Variants in SLK observed in about 807,000 individuals in gnomAD.
SLK encodes the protein STE20-like serine/threonine-protein kinase.
A neutral mutation model predicts 147.7 loss-of-function variants in SLK; 67 were observed. That is an observed-to-expected ratio of 0.45 (90% CI 0.37 to 0.56). The LOEUF (loss-of-function observed/expected upper bound fraction) is 0.56, where lower values mean the gene tolerates loss of function less well. SLK is among the 20% of genes least tolerant of loss of function. The pLI is 0.00. For missense variants in SLK, 1,136 were observed against 1,438.8 expected, an observed-to-expected ratio of 0.79 and a Z score of 3.41; for synonymous variants, 441 against 475.0, an observed-to-expected ratio of 0.93 and a Z score of 0.93.
At chr10:103,981,189 TTTGTTGTTG>T (rs139103127) in intron 1 of SLK, among the ~76,000 whole-genome samples, 6 of 126,546 alleles carry the variant, frequency 4.7e-5, no homozygotes, top group African/African-American at 1.9e-4. Context: ...GTGGGTTTTT[TTTGTTGTTG>T]TTGTTGTTGT....
Position 103,967,399 on chromosome 10 carries a change from C to T in SLK, c.-347C>T, listed in dbSNP as rs1843727370. 6.6e-6 allele frequency: 1 copy of T among 150,986 alleles called. No individual in the cohort carries two copies. Among genetic ancestry groups the T allele is most frequent in the African/African-American group, 2.4e-5 (1 of 41,426 alleles). 9.4% of individuals were successfully genotyped at this position (150,986 alleles called of 1,614,324 possible). On this transcript the variant is annotated 5_prime_UTR_variant, in exon 1 of 19. Transcript: ENST00000369755. ...GACTCGCCGTGACACGGGCCTAAGC[C>T]GCCGCCGCGGGAGTCCTGACCGCTC...
At chr10:103,969,600 C>T (rs1236337772) in intron 1 of SLK, among the ~76,000 whole-genome samples, 1 of 152,138 alleles carries the variant, frequency 6.6e-6, no homozygotes, top group African/African-American at 2.4e-5. Flanking sequence ...CTATCATAGG[C>T]TGTGGAAGTT....
chr10:104,004,966 T>C (rs1844304669), intron 9 of SLK, among the ~76,000 whole-genome samples: 1 of 152,134 alleles, frequency 6.6e-6, no homozygotes, highest in Admixed American at 6.5e-5. Flanking sequence ...ATCATACATA[T>C]ATCTCTGGCC....
chr10:103,972,141 G>A (rs1843800809), intron 1 of SLK, among the ~76,000 whole-genome samples: 1 of 152,104 alleles, frequency 6.6e-6, no homozygotes, highest in South Asian at 2.1e-4. Context: ...TTTCGTTGTA[G>A]CATTGTATTC....
rs1422949992 is a variant in SLK, at chr10:104,001,935, C to T, written c.994-237C>T. 2.6e-5 allele frequency among the ~76,000 whole-genome samples: 4 copies of T among 152,108 alleles called. No homozygotes were observed. The East Asian group carries it at 5.8e-4, about 22-fold the overall frequency. On this transcript the variant is annotated intron_variant, in intron 8 of 18. Transcript: ENST00000369755. ...TTCACCATGTTGGCCAGGCTAGTCT[C>T]GAACTCCTGACCTCAAGTGATCTTC...
In SLK at chr10:103,972,135, G is replaced by A. The variant is rs143512908; in HGVS notation, c.150+4240G>A. ...TCACATAGAGCTGTAGTTCTTTTTC[G>A]TTGTAGCATTGTATTCTATTATATG... On this transcript the variant is annotated intron_variant, in intron 1 of 18. Coordinates refer to ENST00000369755, the MANE Select transcript of SLK (RefSeq NM_014720.4). Among the ~76,000 whole-genome samples the A allele has an allele frequency of 2.6e-4, 40 of 152,084 alleles. 1 individual carries two copies. The East Asian group carries it at 7.5e-3, about 29-fold the overall frequency.
intron 1 of SLK, among the ~76,000 whole-genome samples, chr10:103,970,600 TG>T (rs1843780340): frequency 6.6e-6 from 1 of 152,310 alleles, no homozygotes; most frequent in Non-Finnish European, 1.5e-5. Flanking sequence ...TGTCTTCTTA[TG>T]GCCTCTTTTT....
At chr10:103,985,097 A>T (rs150826224) in intron 1 of SLK, among the ~76,000 whole-genome samples, 1 of 152,200 alleles carries the variant, frequency 6.6e-6, no homozygotes. Flanking sequence ...TTATGATAGT[A>T]TATTGTTACA....
intron 18 of SLK, among the ~76,000 whole-genome samples, chr10:104,023,482 A>G (rs952367380): frequency 6.6e-6 from 1 of 152,134 alleles, no homozygotes; most frequent in African/African-American, 2.4e-5. Flanking sequence ...GAGTGATACT[A>G]CCTATTTGGT....
At position 104,018,236 on chromosome 10, in the gene SLK, A is replaced by G. The variant is rs1415815128; in HGVS notation, c.2954A>G (p.Glu985Gly). ...AAGATCATCCAGCAGCAGAAGGCAGAGTTAGCTAATATTGAGAGAGAGTGC... is the reference window on the plus strand; with the variant it reads ...AAGATCATCCAGCAGCAGAAGGCAGGGTTAGCTAATATTGAGAGAGAGTGC... ...LKKIIQQQKA[E>G]LANIERECLN... Residue 985 changes from glutamate (E) to glycine (G), a missense_variant, in exon 14 of 19, where the codon GAG becomes GGG. Glu to Gly is a moderately conservative substitution (Grantham distance 98). Coordinates refer to ENST00000369755, the MANE Select transcript of SLK (RefSeq NM_014720.4). 6.2e-7 allele frequency: 1 copy of G among 1,601,700 alleles called. No individual in the cohort carries two copies. Among genetic ancestry groups the G allele is most frequent in the African/African-American group, 1.4e-5 (1 of 73,894 alleles).
chr10:104,027,438 T>C lies in SLK; in HGVS notation c.*1718T>C, dbSNP rs538130305. ...CACTTATCACATGAATGTGTTACTG[T>C]ATACAAAACTCTTAATGCTTTATTC... is the stretch of plus-strand genomic sequence containing the variant. On this transcript the variant is annotated 3_prime_UTR_variant, in exon 19 of 19. Coordinates refer to ENST00000369755, the MANE Select transcript of SLK (RefSeq NM_014720.4). The C allele has an allele frequency of 6.5e-6, 1 of 152,690 alleles. No individual in the cohort carries two copies. Among genetic ancestry groups the C allele is most frequent in the African/African-American group, 2.4e-5 (1 of 41,546 alleles). 9.5% of individuals were successfully genotyped at this position (152,690 alleles called of 1,614,324 possible). A position where few individuals can be genotyped will look rare whatever the true frequency, so the allele number is the denominator to read the frequency against.
chr10:103,980,077 A>G (rs1050533061), intron 1 of SLK, among the ~76,000 whole-genome samples: 1 of 152,162 alleles, frequency 6.6e-6, no homozygotes, highest in Non-Finnish European at 1.5e-5. Context: ...GTAGATACCC[A>G]GTTGTCCCAG....
intron 9 of SLK, among the ~76,000 whole-genome samples, chr10:104,004,541 A>G (rs925179094): frequency 2.0e-5 from 3 of 152,168 alleles, no homozygotes; most frequent in Admixed American, 6.5e-5. Context: ...AATCCTGGGT[A>G]GGGTACCATA....
chr10:104,019,514 C>T (rs546588880), intron 15 of SLK, among the ~76,000 whole-genome samples: 1 of 152,276 alleles, frequency 6.6e-6, no homozygotes, highest in East Asian at 1.9e-4. Context: ...TCAAGTGATC[C>T]TCCTATGTCA....
intron 17 of SLK, 36 bp from the exon 18 acceptor site, chr10:104,021,584 A>G (rs370741481): frequency 9.0e-5 from 106 of 1,179,248 alleles, no homozygotes; most frequent in Non-Finnish European, 1.3e-4. Flanking sequence ...TGCTTAGTTG[A>G]TCTGAAATTT....
At chr10:103,996,335 G>GTT (rs780860379) in intron 4 of SLK, among the ~76,000 whole-genome samples, 3 of 121,984 alleles carry the variant, frequency 2.5e-5, no homozygotes, top group East Asian at 2.5e-4. Context: ...GATGCTAAAA[G>GTT]TTTTTTTTTT....
rs1172083580 is a variant in SLK, at chr10:104,018,192, A to G, written c.2910A>G (p.Glu970=). 1 of 1,607,432 alleles carries G rather than the reference A, an allele frequency of 6.2e-7. No individual in the cohort carries two copies. The change falls in exon 14 of 19, where the codon GAA becomes GAG. Residue 970 remains glutamate (E), a synonymous_variant. Transcript: ENST00000369755. Reference sequence around the variant, plus strand: ...AGTTTGTTCAGAAACAACAGCAAGAATTAGATGGCTCTCTGAAAAAGATCA... The same window carrying G: ...AGTTTGTTCAGAAACAACAGCAAGAGTTAGATGGCTCTCTGAAAAAGATCA... ...EQEFVQKQQQ[E]LDGSLKKIIQ... is the part of the protein sequence containing the mutation.
chr10:104,026,162 C>T lies in SLK; in HGVS notation c.*442C>T, dbSNP rs979185419. Reference sequence around the variant, plus strand: ...GGATAATTTTCTTTTGGTGGATCAGCTCTCATAAAAAAGCTATGATTTGCT... The same window carrying T: ...GGATAATTTTCTTTTGGTGGATCAGTTCTCATAAAAAAGCTATGATTTGCT... On this transcript the variant is annotated 3_prime_UTR_variant, in exon 19 of 19. Coordinates refer to ENST00000369755, the MANE Select transcript of SLK (RefSeq NM_014720.4). The T allele has an allele frequency of 6.5e-6, 1 of 153,174 alleles. No homozygotes were observed. The highest frequency in any genetic ancestry group is 6.5e-5 in the Admixed American group (1 of 15,286). The allele number at this position is 153,174 out of a possible 1,614,324, so 9.5% of individuals were successfully genotyped here.
intron 14 of SLK, 77 bp from the exon 15 acceptor site, chr10:104,018,707 G>A (rs1844496164): frequency 1.4e-6 from 2 of 1,433,798 alleles, no homozygotes; most frequent in Non-Finnish European, 1.9e-6. Context: ...ATACTTCTAT[G>A]TAAATATTAA....
Sources: gnomAD v4.1 joint callset for allele counts (sites outside exome capture counted in the v4.1 genomes callset) on GRCh38, gnomAD v4.1.1 for gene constraint, MANE v1.5 for transcripts, NCBI Gene and HGNC (gene_info 2026-07-23, HGNC 2026-07-21) for gene names.